SGCZ: variants seen among roughly 807,000 people sequenced by gnomAD.
SGCZ encodes sarcoglycan zeta, also known as zeta-sarcoglycan.
In SGCZ, 40 loss-of-function variants were observed where a neutral mutation model predicts 41.3. The ratio of observed to expected loss-of-function variants is 0.97; its 90% confidence interval spans 0.75 to 1.26. SGCZ has a LOEUF of 1.26. Ranked by LOEUF, SGCZ falls within the 50% of genes most tolerant of loss-of-function variation. SGCZ has a pLI of 0.00. For missense variants in SGCZ, 552 were observed against 369.8 expected (o/e 1.49, Z -4.04); for synonymous variants, 206 against 137.5 (o/e 1.50, Z -3.49).
intron 3 of SGCZ, among the ~76,000 whole-genome samples, chr8:14,267,099 G>C (rs1799897585): frequency 6.6e-6 from 1 of 152,004 alleles, no homozygotes; most frequent in South Asian, 2.1e-4. Flanking sequence ...AATATAATGA[G>C]TGTGGTAGAT....
chr8:14,537,591 G>C (rs1330362932), intron 2 of SGCZ, among the ~76,000 whole-genome samples: 1 of 148,782 alleles, frequency 6.7e-6, no homozygotes, highest in Non-Finnish European at 1.5e-5. Context: ...CTCTTCTCCT[G>C]GAACAGTTGA....
At chr8:14,782,686 A>T (rs958556838) in intron 1 of SGCZ, among the ~76,000 whole-genome samples, 6 of 152,208 alleles carry the variant, frequency 3.9e-5, no homozygotes, top group Non-Finnish European at 8.8e-5. Context: ...GGTTATAGAA[A>T]AAAAATTATT....
At chr8:15,041,763 A>C (rs1266840508) in intron 1 of SGCZ, among the ~76,000 whole-genome samples, 1 of 136,242 alleles carries the variant, frequency 7.3e-6, no homozygotes, top group Admixed American at 7.2e-5. Context: ...TTTAATTCTT[A>C]TATGGGGAAC....
chr8:14,779,768 G>C (rs572957444), intron 1 of SGCZ, among the ~76,000 whole-genome samples: 2 of 152,236 alleles, frequency 1.3e-5, no homozygotes, highest in East Asian at 1.9e-4. Context: ...AACAGTAGCA[G>C]AGCATATAAA....
chr8:15,001,801 T>G lies in SGCZ; in HGVS notation c.39+235784A>C, dbSNP rs554393141. ...AATGATTAATATTTATTAAGCACTT[T>G]CATGAAATGCATGCCATTATTATCT... On this transcript the variant is annotated intron_variant, in intron 1 of 7. Transcript: ENST00000382080. 2.0e-5 allele frequency among the ~76,000 whole-genome samples: 3 copies of G among 151,884 alleles called. No individual in the cohort carries two copies. In the South Asian group the frequency reaches 6.3e-4, roughly 32 times the overall value.
chr8:14,712,593 T>A (rs561866283), intron 1 of SGCZ, among the ~76,000 whole-genome samples: 1 of 152,234 alleles, frequency 6.6e-6, no homozygotes, highest in Admixed American at 6.5e-5. Context: ...TGGAAGCAAT[T>A]CCCTTATCAC....
chr8:15,038,006 A>G (rs907966795), intron 1 of SGCZ, among the ~76,000 whole-genome samples: 7 of 152,190 alleles, frequency 4.6e-5, no homozygotes, highest in African/African-American at 1.4e-4. Context: ...GAAATAATTA[A>G]TATGGTTAAA....
intron 2 of SGCZ, among the ~76,000 whole-genome samples, chr8:14,413,695 T>C (rs183972739): frequency 4.5e-4 from 68 of 152,150 alleles, no homozygotes; most frequent in Admixed American, 3.9e-3. Flanking sequence ...CCTATTTCCT[T>C]TTTTGAGAGC....
intron 1 of SGCZ, among the ~76,000 whole-genome samples, chr8:14,573,229 G>T (rs978597360): frequency 1.6e-3 from 182 of 114,852 alleles, no homozygotes; most frequent in African/African-American, 5.8e-3. Flanking sequence ...ACGGAGTCTC[G>T]CTCTGTCGCC....
chr8:14,121,931 C>T (rs1304319017), intron 5 of SGCZ, among the ~76,000 whole-genome samples: 1 of 152,052 alleles, frequency 6.6e-6, no homozygotes, highest in Non-Finnish European at 1.5e-5. Context: ...ATAAATAGCC[C>T]TACAATGTAT....
chr8:14,616,362 T>C (rs1203137268), intron 1 of SGCZ, among the ~76,000 whole-genome samples: 2 of 152,006 alleles, frequency 1.3e-5, no homozygotes, highest in Non-Finnish European at 2.9e-5. Flanking sequence ...ACACTAAATA[T>C]AAAAATGATG....
chr8:14,820,332 C>T (rs1472555954), intron 1 of SGCZ, among the ~76,000 whole-genome samples: 1 of 151,968 alleles, frequency 6.6e-6, no homozygotes. Context: ...AATATATATA[C>T]ACCCAACACT....
chr8:14,427,030 AAATGAATGAATGAATGAATG>A (rs3068589), intron 2 of SGCZ, among the ~76,000 whole-genome samples: 6 of 145,274 alleles, frequency 4.1e-5, no homozygotes, highest in African/African-American at 5.1e-5. Context: ...CAGTAACATT[AAATGAATGAATGAATGAATG>A]AATGAATGAA....
intron 1 of SGCZ, among the ~76,000 whole-genome samples, chr8:15,211,044 T>TATAGAA (rs1801219803): frequency 6.8e-6 from 1 of 146,612 alleles, no homozygotes; most frequent in Non-Finnish European, 1.5e-5. Flanking sequence ...TAGATATAGA[T>TATAGAA]ATAGATAGAT....
chr8:14,527,636 G>A (rs928478117), intron 2 of SGCZ, among the ~76,000 whole-genome samples: 2 of 152,042 alleles, frequency 1.3e-5, no homozygotes, highest in African/African-American at 4.8e-5. Context: ...AGGTACACAT[G>A]ACTATTTAAG....
At chr8:14,234,196 AAC>A (rs1466163634) in intron 4 of SGCZ, among the ~76,000 whole-genome samples, 4 of 152,096 alleles carry the variant, frequency 2.6e-5, no homozygotes, top group African/African-American at 9.7e-5. Flanking sequence ...TTGAGCCAGA[AAC>A]ATATAAAATA....
chr8:14,536,462 G>T (rs187825375), intron 2 of SGCZ, among the ~76,000 whole-genome samples: 2 of 151,532 alleles, frequency 1.3e-5, no homozygotes, highest in African/African-American at 2.4e-5. Context: ...ATCTACTTTT[G>T]ATTTCTTTTC....
At chr8:14,255,268 T>C (rs1006586271) in intron 3 of SGCZ, among the ~76,000 whole-genome samples, 25 of 152,188 alleles carry the variant, frequency 1.6e-4, no homozygotes, top group African/African-American at 6.0e-4. Context: ...GATAATTTCC[T>C]GATACTTTGA....
intron 1 of SGCZ, among the ~76,000 whole-genome samples, chr8:14,892,188 CAA>C (rs1805041236): frequency 6.6e-6 from 1 of 152,176 alleles, no homozygotes; most frequent in South Asian, 2.1e-4. Flanking sequence ...CTTGCTATCT[CAA>C]GTCACTTTAC....
Sources: allele counts gnomAD v4.1 joint callset (sites outside exome capture counted in the v4.1 genomes callset), GRCh38; gene constraint gnomAD v4.1.1; transcripts MANE v1.5; gene names NCBI Gene and HGNC (gene_info 2026-07-23, HGNC 2026-07-21).